Variants in MUL1 observed in about 807,000 individuals in gnomAD.
MUL1 encodes the protein mitochondrial E3 ubiquitin protein ligase 1, also known as mitochondrial ubiquitin ligase activator of NFKB 1.
A neutral mutation model predicts 34.1 loss-of-function variants in MUL1; 30 were observed. The ratio of observed to expected loss-of-function variants is 0.88; its 90% CI spans 0.66 to 1.19. MUL1 has a LOEUF of 1.19. Ranked by LOEUF, MUL1 falls within the 50% of genes most tolerant of loss-of-function variation. The pLI is 0.00. For synonymous variants in MUL1, 191 were observed against 187.8 expected, an observed-to-expected ratio of 1.02 and a Z score of -0.14; for missense variants, 419 against 450.5, an observed-to-expected ratio of 0.93 and a Z score of 0.63.
rs1395725625 is a variant in MUL1, at chr1:20,508,054, G to T, written c.-30C>A. 1 of 1,572,302 alleles carries T rather than the reference G, an allele frequency of 6.4e-7. No individual in the cohort carries two copies. Among genetic ancestry groups the T allele is most frequent in the Non-Finnish European group, 8.6e-7 (1 of 1,160,334 alleles). On this transcript the variant is annotated 5_prime_UTR_variant, in exon 1 of 4. Transcript: ENST00000264198. ...GCGGCGAGCCCCGGTGGCCGACTGT[G>T]GCGCCAAGGATAGGCCTGGTGACCC...
At chr1:20,503,718 A>G (rs1027714709) in intron 1 of MUL1, among the ~76,000 whole-genome samples, 1 of 152,226 alleles carries the variant, frequency 6.6e-6, no homozygotes, top group Non-Finnish European at 1.5e-5. Context: ...CACCTAGCAC[A>G]TGGCAGTGGT....
intron 1 of MUL1, among the ~76,000 whole-genome samples, chr1:20,505,683 A>G (rs1416260728): frequency 2.0e-5 from 3 of 151,092 alleles, no homozygotes. Context: ...AAAAGGAAGG[A>G]AGGGAGGGAG....
rs1373940427 is a variant in MUL1 at position 20,501,829 on chromosome 1, A to AG, written c.329+239dup. Among the ~76,000 whole-genome samples the AG allele has an allele frequency of 6.6e-6, 1 of 152,218 alleles. No individual in the cohort carries two copies. Among genetic ancestry groups the AG allele is most frequent in the Non-Finnish European group, 1.5e-5 (1 of 68,034 alleles). On this transcript the variant is annotated intron_variant, in intron 3 of 3. Coordinates refer to ENST00000264198, the MANE Select transcript of MUL1 (RefSeq NM_024544.3). This position sits in a 1 kb window ranked among gnomAD's most constrained non-coding sequence, Gnocchi z 4.2. Reference sequence around the variant, plus strand: ...GGAAATTCTGGTTGGATAAGTCACCAGGGACTGACTTATCCACTTCAGGGA... The same window carrying AG: ...GGAAATTCTGGTTGGATAAGTCACCAGGGGACTGACTTATCCACTTCAGGGA...
rs1183455886 is a variant in MUL1, at chr1:20,507,982, G to C, written c.43C>G (p.Leu15Val). 2 of 1,592,308 alleles carry C rather than the reference G, an allele frequency of 1.3e-6. No homozygotes were observed. Among genetic ancestry groups the C allele is most frequent in the African/African-American group, 1.3e-5 (1 of 74,830 alleles). The change falls in exon 1 of 4, where the codon CTG becomes GTG. Residue 15 changes from leucine (L) to valine (V), a missense_variant. Physicochemically the swap from Leu to Val is conservative, Grantham distance 32 (BLOSUM62 1). Transcript: ENST00000264198. ...GCGGTGACCACAGAGGTGGTGCCCA[G>C]GAGGATGAACTGGCACAGCGAGGGC... ...GRPSLCQFIL[L>V]GTTSVVTAAL...
chr1:20,500,779 T>C lies in MUL1; in HGVS notation c.970A>G (p.Thr324Ala), dbSNP rs756760704. The C allele has an allele frequency of 4.3e-6, 7 of 1,613,948 alleles. No homozygotes were observed. The African/African-American group carries it at 9.3e-5, about 22-fold the overall frequency. The change falls in exon 4 of 4, where the codon ACC becomes GCC. Residue 324 changes from threonine to alanine, a missense_variant. Physicochemically the swap from Thr to Ala is moderately conservative, Grantham distance 58 (BLOSUM62 0). Coordinates refer to ENST00000264198, the MANE Select transcript of MUL1 (RefSeq NM_024544.3). ...FLECGHVCSCTECYRALPEPK... is the reference protein window; with the variant it reads ...FLECGHVCSCAECYRALPEPK... ...TCTGGCAAGGCGCGGTAGCACTCGG[T>C]GCAGGAACAAACGTGCCCACACTCC...
At position 20,503,212 on chromosome 1, in the gene MUL1, G is replaced by A. The variant is rs1282078542; in HGVS notation, c.208+10C>T. On this transcript the variant is annotated intron_variant, in intron 2 of 3. Coordinates refer to ENST00000264198, the MANE Select transcript of MUL1 (RefSeq NM_024544.3). ...GACGTTGTTTTCCATTGACCAATAA[G>A]CAAACATACCTTCTATAACAGCATA... 6.4e-7 allele frequency: 1 copy of A among 1,566,132 alleles called. No individual in the cohort carries two copies. The highest frequency in any genetic ancestry group is 8.7e-7 in the Non-Finnish European group (1 of 1,150,552).
At position 20,500,660 on chromosome 1, in the gene MUL1, T is replaced by C; in HGVS notation, c.*30A>G. On this transcript the variant is annotated 3_prime_UTR_variant, in exon 4 of 4. Coordinates refer to ENST00000264198, the MANE Select transcript of MUL1 (RefSeq NM_024544.3). ...TCCCTGAAAAGGGGGCAGGGGTGCTTCCAGGTCAAGCTGTGCGGCTTCCAA... is the reference window on the plus strand; with the variant it reads ...TCCCTGAAAAGGGGGCAGGGGTGCTCCCAGGTCAAGCTGTGCGGCTTCCAA... 1 of 1,526,004 alleles carries C rather than the reference T, an allele frequency of 6.6e-7. No homozygotes were observed. The highest frequency in any genetic ancestry group is 8.8e-7 in the Non-Finnish European group (1 of 1,136,164). 94.5% of individuals were successfully genotyped at this position (1,526,004 alleles called of 1,614,324 possible). A position where few individuals can be genotyped will look rare whatever the true frequency, so the allele number is the denominator to read the frequency against.
Position 20,501,943 on chromosome 1 carries a change from C to T in MUL1, c.329+126G>A, listed in dbSNP as rs1361078173. On this transcript the variant is annotated intron_variant, in intron 3 of 3. Transcript: ENST00000264198. This position sits in a 1 kb window ranked among gnomAD's most constrained non-coding sequence, Gnocchi z 4.2. ...CACAGGCTACACACAAGAATATGAC[C>T]TGCATTAAGAGACTGGGCTTCAACC... 8.3e-7 allele frequency: 1 copy of T among 1,206,592 alleles called. No homozygotes were observed. The highest frequency in any genetic ancestry group is 2.4e-5 in the East Asian group (1 of 42,350). 74.7% of individuals were successfully genotyped at this position (1,206,592 alleles called of 1,614,324 possible).
rs778033038 is a variant in MUL1, at chr1:20,507,989, G to A, written c.36C>T (p.Phe12=). 36 of 1,591,098 alleles carry A rather than the reference G, an allele frequency of 2.3e-5. No homozygotes were observed. The highest frequency in any genetic ancestry group is 4.0e-5 in the African/African-American group (3 of 74,814). The change falls in exon 1 of 4, where the codon TTC becomes TTT. Residue 12 remains phenylalanine (F), a synonymous_variant. Coordinates refer to ENST00000264198, the MANE Select transcript of MUL1 (RefSeq NM_024544.3). ...CCACAGAGGTGGTGCCCAGGAGGAT[G>A]AACTGGCACAGCGAGGGCCGCCCTC... ...ESGGRPSLCQ[F]ILLGTTSVVT...
At chr1:20,503,452 A>C in intron 1 of MUL1, 143 bp from the exon 2 acceptor site, 1 of 555,044 alleles carries the variant, frequency 1.8e-6, no homozygotes, top group Non-Finnish European at 3.2e-6. Context: ...ACTACTGAGA[A>C]TCAGATTTCA....
chr1:20,502,208 T>C lies in MUL1; in HGVS notation c.209-19A>G, dbSNP rs749233927. 1.9e-6 allele frequency: 3 copies of C among 1,613,580 alleles called. No homozygotes were observed. In the East Asian group the frequency reaches 6.7e-5, roughly 36 times the overall value. On this transcript the variant is annotated intron_variant, in intron 2 of 3. Coordinates refer to ENST00000264198, the MANE Select transcript of MUL1 (RefSeq NM_024544.3). ...ACAGCTCCTAAGTGGACACAAATTCTATTATTTCTGAAGAAGTTTTCTGCC... is the reference window on the plus strand; with the variant it reads ...ACAGCTCCTAAGTGGACACAAATTCCATTATTTCTGAAGAAGTTTTCTGCC...
chr1:20,502,847 T>A (rs1320407454), intron 2 of MUL1, among the ~76,000 whole-genome samples: 1 of 152,136 alleles, frequency 6.6e-6, no homozygotes, highest in Non-Finnish European at 1.5e-5. Context: ...AAAAAAAATT[T>A]TTTTTTTAAT....
chr1:20,500,625 G>T lies in MUL1; in HGVS notation c.*65C>A. 1 of 1,511,392 alleles carries T rather than the reference G, an allele frequency of 6.6e-7. No homozygotes were observed. The highest frequency in any genetic ancestry group is 1.3e-5 in the South Asian group (1 of 74,540). The allele number at this position is 1,511,392 out of a possible 1,614,324, so 93.6% of individuals were successfully genotyped here. The stretch of plus-strand genomic sequence containing the variant: ...CCACCACTGCTCCTCCAAAGGCCTC[G>T]AGATAAAAATCCCTGAAAAGGGGGC... On this transcript the variant is annotated 3_prime_UTR_variant, in exon 4 of 4. Coordinates refer to ENST00000264198, the MANE Select transcript of MUL1 (RefSeq NM_024544.3).
At chr1:20,505,582 C>CAAAAAAAAAAAAAAAAAAAAAAAAAA (rs11338654) in intron 1 of MUL1, among the ~76,000 whole-genome samples, 1 of 57,158 alleles carries the variant, frequency 1.7e-5, no homozygotes, top group Admixed American at 2.4e-4. Flanking sequence ...GACCATGTCT[C>CAAAAAAAAAAAAAAAAAAAAAAAAAA]AAAAAAAAAA....
In MUL1 at chr1:20,503,244, G is replaced by A. The variant is rs747243113; in HGVS notation, c.186C>T (p.Cys62=). The stretch of plus-strand genomic sequence containing the variant: ...TACCTTCTATAACAGCATAAGGCAC[G>A]CATTTTCCTGGAGCTTCTGAAAGAA... ...KSILSEAPGK[C]VPYAVIEGAV... The change falls in exon 2 of 4, where the codon TGC becomes TGT. Residue 62 remains cysteine, a synonymous_variant. Transcript: ENST00000264198. 28 of 1,608,526 alleles carry A rather than the reference G, an allele frequency of 1.7e-5. No homozygotes were observed. Among genetic ancestry groups the A allele is most frequent in the East Asian group, 4.5e-5 (2 of 44,756 alleles).
At chr1:20,505,930 G>A (rs999071459) in intron 1 of MUL1, among the ~76,000 whole-genome samples, 34 of 152,138 alleles carry the variant, frequency 2.2e-4, no homozygotes, top group African/African-American at 7.7e-4. Flanking sequence ...ATCACTTCAG[G>A]ATTAACTTGA....
Position 20,502,246 on chromosome 1 carries a change from A to G in MUL1, c.209-57T>C, listed in dbSNP as rs898337465. On this transcript the variant is annotated intron_variant, in intron 2 of 3. Coordinates refer to ENST00000264198, the MANE Select transcript of MUL1 (RefSeq NM_024544.3). ...GAAGTTTTCTGCCCTCTCCTTTCAG[A>G]TAATTTAAAATGTGTTTTCTGGTCT... The G allele has an allele frequency of 8.1e-6, 13 of 1,609,132 alleles. No individual in the cohort carries two copies. In the Admixed American group the frequency reaches 1.5e-4, roughly 19 times the overall value.
intron 1 of MUL1, among the ~76,000 whole-genome samples, chr1:20,504,990 T>C (rs1243465692): frequency 2.0e-5 from 3 of 152,250 alleles, no homozygotes; most frequent in South Asian, 4.1e-4. Flanking sequence ...ATTCGAATTT[T>C]AAAGGGGGAA....
In MUL1 at chr1:20,501,548, T is replaced by C. The variant is rs1240031622; in HGVS notation, c.330-129A>G. The C allele has an allele frequency of 9.3e-7, 1 of 1,072,678 alleles. No homozygotes were observed. Among genetic ancestry groups the C allele is most frequent in the African/African-American group, 1.6e-5 (1 of 63,312 alleles). 66.4% of individuals were successfully genotyped at this position (1,072,678 alleles called of 1,614,324 possible). On this transcript the variant is annotated intron_variant, in intron 3 of 3. Transcript: ENST00000264198. This position sits in a 1 kb window ranked among gnomAD's most constrained non-coding sequence, Gnocchi z 4.2. ...CTGGAAGAAGACAGTAAGATCACTATCTCCAGTTGCCTCCTAACAAGGAGG... is the reference window on the plus strand; with the variant it reads ...CTGGAAGAAGACAGTAAGATCACTACCTCCAGTTGCCTCCTAACAAGGAGG...
Sources: gnomAD v4.1 joint callset for allele counts (sites outside exome capture counted in the v4.1 genomes callset) on GRCh38, gnomAD v4.1.1 for gene constraint, Gnocchi (gnomAD v3.1) non-coding constraint, MANE v1.5 for transcripts, NCBI Gene and HGNC (gene_info 2026-07-23, HGNC 2026-07-21) for gene names.